The following DAO variants were observed in gnomAD, a reference collection of about 807,000 sequenced individuals.
DAO encodes the protein D-amino acid oxidase, also known as D-amino-acid oxidase.
Under a neutral mutation model 50.1 loss-of-function variants are expected in DAO, and 51 were observed. That is an observed-to-expected ratio of 1.02 (90% CI 0.81 to 1.29). The LOEUF (loss-of-function observed/expected upper bound fraction) is 1.29. Among genes scored for constraint, DAO ranks in the 50% most tolerant of loss-of-function variants. The pLI, the probability that DAO is intolerant of heterozygous loss-of-function variation, is 0.00. For synonymous variants in DAO, 160 were observed against 166.2 expected (o/e 0.96, Z 0.29); for missense variants, 436 against 439.4 (o/e 0.99, Z 0.07).
Position 108,885,125 on chromosome 12 carries a change from C to G in DAO, c.119C>G (p.Thr40Ser). ...LDIKVYADRF[T>S]PLTTTDVAAG... ...ATAAAGGTCTACGCGGACCGCTTCA[C>G]CCCACTCACCACCACCGACGTGGCT... is the stretch of plus-strand genomic sequence containing the variant. Residue 40 changes from threonine (T) to serine (S), a missense_variant, in exon 2 of 11, where the codon ACC (threonine) becomes AGC (serine). Transcript: ENST00000228476. 1.2e-6 allele frequency: 2 copies of G among 1,613,352 alleles called. No homozygotes were observed. The highest frequency in any genetic ancestry group is 2.7e-5 in the African/African-American group (2 of 75,018).
chr12:108,892,887 A>C, intron 5 of DAO, 95 bp from the exon 6 acceptor site: 2 of 1,094,954 alleles, frequency 1.8e-6, no homozygotes, highest in Non-Finnish European at 2.8e-6. Context: ...TAACGTCCGC[A>C]GAAGGTTGTT....
intron 3 of DAO, 70 bp from the exon 4 acceptor site, chr12:108,889,399 C>T (rs866011675): frequency 8.2e-6 from 9 of 1,094,692 alleles, no homozygotes; most frequent in African/African-American, 6.2e-5. Flanking sequence ...TGTGAGCCAC[C>T]TCGCCTGGCC....
chr12:108,889,720 TG>T (rs985645522), intron 4 of DAO, among the ~76,000 whole-genome samples, 175 bp downstream of exon 4: 14 of 152,278 alleles, frequency 9.2e-5, no homozygotes, highest in African/African-American at 3.4e-4. Context: ...AACCTGGCCT[TG>T]GGCTGGGAAG....
At chr12:108,880,714 A>ATT (rs11415772) in intron 1 of DAO, among the ~76,000 whole-genome samples, 8 of 148,938 alleles carry the variant, frequency 5.4e-5, no homozygotes, top group Middle Eastern at 6.9e-3. Context: ...TGGCTTACTG[A>ATT]TTTTTTTTTT....
At chr12:108,897,492 C>T (rs778064377) in intron 8 of DAO, among the ~76,000 whole-genome samples, 2 of 149,508 alleles carry the variant, frequency 1.3e-5, no homozygotes, top group Non-Finnish European at 3.0e-5. Context: ...GCTGGGATTA[C>T]AGGCGTGAGC....
chr12:108,887,400 T>C lies in DAO; in HGVS notation c.195-50T>C, dbSNP rs772745213. On this transcript the variant is annotated intron_variant, in intron 2 of 10. Coordinates refer to ENST00000228476, the MANE Select transcript of DAO (RefSeq NM_001917.5). Reference sequence around the variant, plus strand: ...CCCCATGCCAGCTGACCTAAGGTTTTTTGCCCAGCTCAGGGCATTGGGTGA... The same window carrying C: ...CCCCATGCCAGCTGACCTAAGGTTTCTTGCCCAGCTCAGGGCATTGGGTGA... 4 of 1,410,622 alleles carry C rather than the reference T, an allele frequency of 2.8e-6. No homozygotes were observed. In the South Asian group the frequency reaches 4.6e-5, roughly 16 times the overall value. 87.4% of individuals were successfully genotyped at this position (1,410,622 alleles called of 1,614,324 possible). A position where few individuals can be genotyped will look rare whatever the true frequency, so the allele number is the denominator to read the frequency against.
At position 108,885,094 on chromosome 12, in the gene DAO, C is replaced by T. The variant is rs749774891; in HGVS notation, c.88C>T (p.Leu30=). Residue 30 remains leucine, a synonymous_variant, in exon 2 of 11, where the codon CTG becomes TTG. Transcript: ENST00000228476. ...HERYHSVLQP[L]DIKVYADRFT... ...GCGCTACCACTCAGTCCTGCAGCCA[C>T]TGGACATAAAGGTCTACGCGGACCG... The T allele has an allele frequency of 6.2e-7, 1 of 1,614,098 alleles. No homozygotes were observed. The highest frequency in any genetic ancestry group is 1.3e-5 in the African/African-American group (1 of 74,944).
At position 108,899,448 on chromosome 12, in the gene DAO, G is replaced by C; in HGVS notation, c.885G>C (p.Gln295His). Reference sequence around the variant, plus strand: ...CCCAGATTCGGCTAGAAAGAGAACAGCTTCGCACTGGACCTTCAAACACAG... The same window carrying C: ...CCCAGATTCGGCTAGAAAGAGAACACCTTCGCACTGGACCTTCAAACACAG... ...VRPQIRLERE[Q>H]LRTGPSNTEV... The change falls in exon 10 of 11, where the codon CAG (glutamine) becomes CAC (histidine). Residue 295 changes from glutamine to histidine, a missense_variant. Transcript: ENST00000228476. 1 of 1,613,756 alleles carries C rather than the reference G, an allele frequency of 6.2e-7. No homozygotes were observed. Among genetic ancestry groups the C allele is most frequent in the Non-Finnish European group, 8.5e-7 (1 of 1,179,870 alleles).
intron 9 of DAO, 134 bp downstream of exon 9, chr12:108,898,930 C>A: frequency 1.4e-6 from 1 of 721,640 alleles, no homozygotes; most frequent in Non-Finnish European, 2.5e-6. Flanking sequence ...TGGAACATAA[C>A]AGAATTTGAT....
chr12:108,883,592 C>T (rs1400843430), intron 1 of DAO: 1 of 456,332 alleles, frequency 2.2e-6, no homozygotes, highest in Admixed American at 2.3e-5. Flanking sequence ...CTTATTTAAT[C>T]CTTAAAATGA....
At chr12:108,896,033 T>TA (rs2039550444) in intron 7 of DAO, among the ~76,000 whole-genome samples, 2 of 129,974 alleles carry the variant, frequency 1.5e-5, no homozygotes, top group Non-Finnish European at 3.1e-5. Flanking sequence ...TACATTTTCT[T>TA]TAAAAAAAAA....
Position 108,889,520 on chromosome 12 carries a change from G to A in DAO, c.361G>A (p.Glu121Lys). 1.2e-6 allele frequency: 2 copies of A among 1,613,214 alleles called. No homozygotes were observed. Among genetic ancestry groups the A allele is most frequent in the Non-Finnish European group, 1.7e-6 (2 of 1,179,442 alleles). ...GGGATTTCGGAAGCTGACCCCCAGAGAGCTGGATATGTTCCCAGATTACGG... is the reference window on the plus strand; with the variant it reads ...GGGATTTCGGAAGCTGACCCCCAGAAAGCTGGATATGTTCCCAGATTACGG... ...VLGFRKLTPR[E>K]LDMFPDYGYG... Residue 121 changes from glutamate to lysine, a missense_variant, in exon 4 of 11, where the codon GAG becomes AAG. Physicochemically the swap from Glu to Lys is moderately conservative, Grantham distance 56. Coordinates refer to ENST00000228476, the MANE Select transcript of DAO (RefSeq NM_001917.5).
chr12:108,889,569 G>C (rs767563388), intron 4 of DAO, 24 bp downstream of exon 4: 14 of 1,586,282 alleles, frequency 8.8e-6, no homozygotes, highest in Admixed American at 1.7e-5. Flanking sequence ...CACAGGCAAA[G>C]GGGACTGGGG....
At chr12:108,892,544 C>CT (rs2039503118) in intron 5 of DAO, among the ~76,000 whole-genome samples, 1 of 152,174 alleles carries the variant, frequency 6.6e-6, no homozygotes, top group Admixed American at 6.6e-5. Context: ...CTCAGCCCAC[C>CT]TCCCTCCTCA....
intron 10 of DAO, 188 bp downstream of exon 10, chr12:108,899,663 C>G (rs1593168687): frequency 1.5e-6 from 1 of 653,360 alleles, no homozygotes; most frequent in Non-Finnish European, 2.8e-6. Flanking sequence ...AGGACCTGCT[C>G]AAGGTTACAT....
intron 1 of DAO, among the ~76,000 whole-genome samples, chr12:108,883,100 C>G (rs770292281): frequency 6.6e-6 from 1 of 151,002 alleles, no homozygotes; most frequent in Admixed American, 6.6e-5. Context: ...TAGCCAAGGT[C>G]GCACAGCAAG....
rs7980427 is a variant in DAO at position 108,887,534 on chromosome 12, G to C, written c.279G>C (p.Ser93=). 7.1e-5 allele frequency: 114 copies of C among 1,613,518 alleles called. No homozygotes were observed. Among genetic ancestry groups the C allele is most frequent in the Non-Finnish European group, 8.2e-5 (97 of 1,179,804 alleles). The part of the protein sequence containing the change: ...NAENLGLFLI[S]GYNLFHEAIP... ...AAAACCTGGGCCTGTTCCTAATCTCGGGCTACAACCTCTTCCATGAAGCCA... is the reference window on the plus strand; with the variant it reads ...AAAACCTGGGCCTGTTCCTAATCTCCGGCTACAACCTCTTCCATGAAGCCA... The change falls in exon 3 of 11, where the codon TCG becomes TCC. Residue 93 remains serine, a synonymous_variant. Transcript: ENST00000228476.
chr12:108,884,666 C>T (rs117429460), intron 1 of DAO, among the ~76,000 whole-genome samples: 2 of 152,248 alleles, frequency 1.3e-5, no homozygotes, highest in East Asian at 3.9e-4. Flanking sequence ...CACCGGCCTA[C>T]CCAGCCTACA....
chr12:108,892,462 C>G (rs138100308), intron 5 of DAO, among the ~76,000 whole-genome samples: 1 of 151,984 alleles, frequency 6.6e-6, no homozygotes, highest in Non-Finnish European at 1.5e-5. Flanking sequence ...CACCGCGCCT[C>G]GCTGTTTCTA....
Sources: gnomAD v4.1 joint callset for allele counts (sites outside exome capture counted in the v4.1 genomes callset) on GRCh38, gnomAD v4.1.1 for gene constraint, MANE v1.5 for transcripts, NCBI Gene and HGNC (gene_info 2026-07-23, HGNC 2026-07-21) for gene names.